Variants in VWF observed in about 807,000 individuals in gnomAD.
The protein encoded by VWF is Factor VIII related antigen.
A neutral mutation model predicts 308.6 loss-of-function variants in VWF; 176 were observed. That is an observed-to-expected ratio of 0.57 (90% CI 0.50 to 0.65). The LOEUF (loss-of-function observed/expected upper bound fraction) is 0.65. Among genes scored for constraint, VWF ranks in the 30% least tolerant of loss-of-function variants. The probability of loss-of-function intolerance (pLI) is 0.00; values close to 1 mark genes in which losing one functional copy is unlikely to be tolerated. For missense variants in VWF, 3,146 were observed against 3,648.2 expected (o/e 0.86, Z 3.55); for synonymous variants, 1,385 against 1,443.4 (o/e 0.96, Z 0.92).
At chr12:5,971,489 T>C (rs572069146) in intron 44 of VWF, 110 bp downstream of exon 44, 3 of 881,144 alleles carry the variant, frequency 3.4e-6, no homozygotes, top group Admixed American at 3.6e-5. Context: ...CTGGGTGAAA[T>C]GCCCAGTGGG....
At chr12:6,092,322 G>A (rs1945043421) in intron 6 of VWF, among the ~76,000 whole-genome samples, 1 of 151,548 alleles carries the variant, frequency 6.6e-6, no homozygotes, top group South Asian at 2.1e-4. Flanking sequence ...GGCCCAGCAG[G>A]GACTCCCTTC....
intron 5 of VWF, among the ~76,000 whole-genome samples, chr12:6,100,194 A>G (rs1480356442): frequency 6.6e-6 from 1 of 151,910 alleles, no homozygotes; most frequent in African/African-American, 2.4e-5. Flanking sequence ...CACATGAGAT[A>G]CCATCTCACA....
intron 33 of VWF, 141 bp downstream of exon 33, chr12:6,011,946 G>A (rs908822287): frequency 7.8e-7 from 1 of 1,283,658 alleles, no homozygotes; most frequent in Non-Finnish European, 1.1e-6. Flanking sequence ...AACACAAGAT[G>A]TACAGATGGA....
At chr12:5,981,686 G>A in intron 42 of VWF, 100 bp downstream of exon 42, 2 of 1,312,274 alleles carry the variant, frequency 1.5e-6, no homozygotes, top group Non-Finnish European at 1.1e-6. Context: ...TGGATGGGTA[G>A]GTGGATGGAT....
intron 5 of VWF, among the ~76,000 whole-genome samples, chr12:6,098,404 G>C (rs1308619360): frequency 6.6e-6 from 1 of 152,146 alleles, no homozygotes; most frequent in East Asian, 1.9e-4. Flanking sequence ...TGACAGATTA[G>C]AAAACACTGA....
chr12:6,033,068 A>G (rs1007422163), intron 20 of VWF, among the ~76,000 whole-genome samples: 6 of 152,234 alleles, frequency 3.9e-5, no homozygotes, highest in African/African-American at 2.4e-5. Context: ...ACATGCATAC[A>G]TATGTCCATA....
At chr12:6,040,978 G>A (rs1002674362) in intron 18 of VWF, among the ~76,000 whole-genome samples, 1 of 152,222 alleles carries the variant, frequency 6.6e-6, no homozygotes, top group Non-Finnish European at 1.5e-5. Flanking sequence ...TGCATTCCCT[G>A]GGCCAGGGCC....
chr12:5,988,242 C>A (rs1943701116), intron 38 of VWF, among the ~76,000 whole-genome samples: 1 of 152,126 alleles, frequency 6.6e-6, no homozygotes, highest in South Asian at 2.1e-4. Flanking sequence ...GGAGGCCCTG[C>A]CTCACAGAGA....
intron 39 of VWF, 21 bp downstream of exon 39, chr12:5,985,542 C>G: frequency 1.2e-6 from 2 of 1,611,636 alleles, no homozygotes; most frequent in Non-Finnish European, 1.7e-6. Flanking sequence ...ATGAAGGCAC[C>G]AGGGAGGGGA....
chr12:6,112,827 G>GACACACACACAC (rs58457258), intron 3 of VWF, among the ~76,000 whole-genome samples: 76 of 145,150 alleles, frequency 5.2e-4, no homozygotes, highest in African/African-American at 1.9e-3. Context: ...CAGACACACA[G>GACACACACACAC]ACACACACAC....
intron 7 of VWF, among the ~76,000 whole-genome samples, chr12:6,074,162 G>C (rs1944813473): frequency 6.6e-6 from 1 of 151,952 alleles, no homozygotes; most frequent in Non-Finnish European, 1.5e-5. Context: ...CCATGAAATT[G>C]GCCCCAATCA....
chr12:6,118,870 G>A (rs1022723324), intron 3 of VWF, among the ~76,000 whole-genome samples: 5 of 151,806 alleles, frequency 3.3e-5, no homozygotes, highest in Admixed American at 1.3e-4. Context: ...CAGGGGTTCA[G>A]GGGTTCTCTC....
intron 47 of VWF, among the ~76,000 whole-genome samples, chr12:5,963,771 G>A (rs1444367605): frequency 1.3e-5 from 2 of 152,242 alleles, no homozygotes; most frequent in Non-Finnish European, 1.5e-5. Context: ...GGGACTTGTT[G>A]AAGCGGCATA....
At position 5,949,201 on chromosome 12, in the gene VWF, G is replaced by T. The variant is rs1319640188; in HGVS notation, c.8256C>A (p.Gly2752=). 1 of 1,613,654 alleles carries T rather than the reference G, an allele frequency of 6.2e-7. No homozygotes were observed. The highest frequency in any genetic ancestry group is 1.3e-5 in the African/African-American group (1 of 74,942). Residue 2752 remains glycine (G), a splice_region_variant and synonymous_variant, in exon 52 of 52, where the codon GGC becomes GGA. Coordinates refer to ENST00000261405, the MANE Select transcript of VWF (RefSeq NM_000552.5). ...AGTACATGGCTTTGCTGGCACATTT[G>T]CCCTGCAAGAAAGCAGAGGAAGATG... ...EVEVDIHYCQ[G]KCASKAMYSI... is the part of the protein sequence containing the mutation.
intron 34 of VWF, among the ~76,000 whole-genome samples, chr12:6,009,309 G>C (rs1943966092): frequency 6.8e-6 from 1 of 148,148 alleles, no homozygotes; most frequent in South Asian, 2.1e-4. Flanking sequence ...TTCCTCCAAA[G>C]AGACATCCAA....
intron 20 of VWF, among the ~76,000 whole-genome samples, chr12:6,034,294 G>A (rs1439663539): frequency 3.3e-5 from 5 of 152,222 alleles, no homozygotes; most frequent in Non-Finnish European, 4.4e-5. Flanking sequence ...AAGGGAGGCT[G>A]AGCGGGACTG....
At chr12:6,088,931 G>A (rs1250109539) in intron 6 of VWF, among the ~76,000 whole-genome samples, 4 of 152,232 alleles carry the variant, frequency 2.6e-5, no homozygotes, top group Non-Finnish European at 5.9e-5. Context: ...TAACTAACAA[G>A]TAATATGACC....
intron 2 of VWF, chr12:6,122,877 T>C (rs749739631): frequency 1.2e-5 from 9 of 735,656 alleles, no homozygotes; most frequent in Middle Eastern, 2.3e-4. Context: ...TTCCTCCTCA[T>C]CCTGTGCCCC....
intron 5 of VWF, among the ~76,000 whole-genome samples, chr12:6,099,962 A>G (rs1382099640): frequency 6.6e-6 from 1 of 150,566 alleles, no homozygotes; most frequent in Non-Finnish European, 1.5e-5. Context: ...GGCAACCTAC[A>G]AAATGGGAGA....
Sources: allele counts gnomAD v4.1 joint callset (sites outside exome capture counted in the v4.1 genomes callset), GRCh38; gene constraint gnomAD v4.1.1; transcripts MANE v1.5; gene names NCBI Gene and HGNC (gene_info 2026-07-23, HGNC 2026-07-21).